PIWIL1: variants seen among roughly 807,000 people sequenced by gnomAD.
The protein encoded by PIWIL1 is piwi-like protein 1.
PIWIL1 carries 73 observed loss-of-function variants against 114.4 expected under a neutral mutation model. The observed-to-expected ratio is 0.64, with a 90% confidence interval of 0.53 to 0.78. The LOEUF is 0.78. Ranked by LOEUF, PIWIL1 falls within the 30% of genes least tolerant of loss-of-function variation. PIWIL1 has a pLI of 0.00. For synonymous variants in PIWIL1, 375 were observed against 369.0 expected, an observed-to-expected ratio of 1.02 and a Z score of -0.19; for missense variants, 723 against 1,063.1, an observed-to-expected ratio of 0.68 and a Z score of 4.45.
chr12:130,421,396 T>C, the PIWIL1 span, among the ~76,000 whole-genome samples: 30 of 152,282 alleles, frequency 2.0e-4, no homozygotes, highest in African/African-American at 6.5e-4. Flanking sequence ...ATAAACACAA[T>C]CTAAAAGCTG....
the PIWIL1 span, among the ~76,000 whole-genome samples, chr12:130,380,275 A>G: frequency 6.6e-6 from 1 of 152,132 alleles, no homozygotes; most frequent in Non-Finnish European, 1.5e-5. Flanking sequence ...CCCTCATCCC[A>G]GTTCCCATCC....
rs144901894 is a variant in PIWIL1, at chr12:130,352,737, C to T, written c.1045-1800C>T. 3.8e-3 allele frequency among the ~76,000 whole-genome samples: 583 copies of T among 152,148 alleles called. 1 individual carries two copies. Among genetic ancestry groups the T allele is most frequent in the Middle Eastern group, 6.8e-3 (2 of 294 alleles). On this transcript the variant is annotated intron_variant, in intron 9 of 20. Transcript: ENST00000245255. ...CCTAAGAATATAAAAGTGGAGGGGG[C>T]GTAGCGAGTACAAGTTCTGTATCAG...
chr12:130,390,736 C>A, the PIWIL1 span, among the ~76,000 whole-genome samples: 1 of 152,210 alleles, frequency 6.6e-6, no homozygotes, highest in East Asian at 1.9e-4. Flanking sequence ...CCCTCTCTTT[C>A]TGCTCCTCTT....
At chr12:130,384,478 G>A in the PIWIL1 span, among the ~76,000 whole-genome samples, 1 of 152,160 alleles carries the variant, frequency 6.6e-6, no homozygotes, top group African/African-American at 2.4e-5. Context: ...ATAGGCACGG[G>A]TGAATGCTGC....
At chr12:130,375,436 AACT>A (rs2073859770), downstream of PIWIL1, among the ~76,000 whole-genome samples, 1 of 152,130 alleles carries the variant, frequency 6.6e-6, no homozygotes, top group African/African-American at 2.4e-5. Flanking sequence ...CCGCATTCTC[AACT>A]ACTGTCTATT....
chr12:130,390,188 A>G, the PIWIL1 span, among the ~76,000 whole-genome samples: 1 of 152,318 alleles, frequency 6.6e-6, no homozygotes, highest in African/African-American at 2.4e-5. Context: ...AGTACTGCAG[A>G]TAGAATAGGT....
At chr12:130,423,337 G>GAGTCACT in the PIWIL1 span, among the ~76,000 whole-genome samples, 3 of 152,346 alleles carry the variant, frequency 2.0e-5, no homozygotes, top group African/African-American at 7.2e-5. Flanking sequence ...GTGGGCGGCT[G>GAGTCACT]AGTCACTGAG....
the PIWIL1 span, among the ~76,000 whole-genome samples, chr12:130,399,376 G>A: frequency 6.6e-6 from 1 of 152,122 alleles, no homozygotes; most frequent in Admixed American, 6.5e-5. Flanking sequence ...CTGAAGAGGA[G>A]CCATCCCCTT....
At chr12:130,415,712 A>C in the PIWIL1 span, among the ~76,000 whole-genome samples, 4 of 151,804 alleles carry the variant, frequency 2.6e-5, 1 homozygote, top group South Asian at 4.2e-4. Flanking sequence ...AAGTCAAATT[A>C]TCTCTCTTCA....
chr12:130,362,956 A>G, intron 17 of PIWIL1, 35 bp from the exon 18 acceptor site: 1 of 1,612,472 alleles, frequency 6.2e-7, no homozygotes, highest in Admixed American at 1.7e-5. Flanking sequence ...TGTCGTAGGC[A>G]TGAATTGACA....
the PIWIL1 span, among the ~76,000 whole-genome samples, chr12:130,381,555 G>T: frequency 0.94 from 142,576 of 152,312 alleles, 66,855 homozygotes; most frequent in Non-Finnish European, 0.96. Context: ...ATGTATCCAT[G>T]CACTTGCTTG....
At chr12:130,375,036 C>T (rs927945208), downstream of PIWIL1, among the ~76,000 whole-genome samples, 1 of 152,034 alleles carries the variant, frequency 6.6e-6, no homozygotes, top group Non-Finnish European at 1.5e-5. Context: ...CCCCGACCCC[C>T]GCAAAAAAGA....
the PIWIL1 span, among the ~76,000 whole-genome samples, chr12:130,385,944 C>T: frequency 1.3e-5 from 2 of 152,084 alleles, no homozygotes; most frequent in African/African-American, 4.8e-5. Flanking sequence ...ACATATCAGT[C>T]CTTTACTTGT....
Position 130,345,750 on chromosome 12 carries a change from A to G in PIWIL1, c.191-3A>G. On this transcript the variant is annotated splice_polypyrimidine_tract_variant and splice_region_variant and intron_variant, in intron 3 of 20. Transcript: ENST00000245255. Reference sequence around the variant, plus strand: ...TTGCTCAAGTACACAATTTTTTTTTAAGGACTCCAGATATCTGCTGGATTT... The same window carrying G: ...TTGCTCAAGTACACAATTTTTTTTTGAGGACTCCAGATATCTGCTGGATTT... 1.9e-6 allele frequency: 3 copies of G among 1,610,460 alleles called. No individual in the cohort carries two copies. Among genetic ancestry groups the G allele is most frequent in the East Asian group, 2.2e-5 (1 of 44,798 alleles).
At chr12:130,378,925 T>G in the PIWIL1 span, among the ~76,000 whole-genome samples, 1 of 152,212 alleles carries the variant, frequency 6.6e-6, no homozygotes, top group Non-Finnish European at 1.5e-5. Context: ...TAAGTATCAT[T>G]CGAAGAGAAG....
At chr12:130,424,292 C>T in the PIWIL1 span, 1,478 of 1,231,522 alleles carry the variant, frequency 1.2e-3, 3 homozygotes, top group Admixed American at 5.0e-3. The surrounding 1 kb of genome is among the most constrained non-coding windows in gnomAD (Gnocchi z 9.8). Flanking sequence ...GCGGCCTCTC[C>T]GGGCCGGGCT....
the PIWIL1 span, chr12:130,412,528 G>T: frequency 1.7e-6 from 2 of 1,158,202 alleles, no homozygotes; most frequent in Non-Finnish European, 2.5e-6. Flanking sequence ...GATGCAATTT[G>T]GGGTCTCCTC....
chr12:130,348,635 G>C (rs768538768), intron 7 of PIWIL1, among the ~76,000 whole-genome samples: 3 of 152,194 alleles, frequency 2.0e-5, no homozygotes, highest in Non-Finnish European at 4.4e-5. Flanking sequence ...GGGCGTGGTG[G>C]CTCATGCCTG....
chr12:130,418,074 G>A, the PIWIL1 span, among the ~76,000 whole-genome samples: 5 of 152,172 alleles, frequency 3.3e-5, no homozygotes, highest in Admixed American at 6.5e-5. Context: ...CAGGACAGGT[G>A]GTGGAGAAAG....
Sources: allele counts gnomAD v4.1 joint callset (sites outside exome capture counted in the v4.1 genomes callset), GRCh38; gene constraint gnomAD v4.1.1; non-coding constraint Gnocchi (gnomAD v3.1); transcripts MANE v1.5; gene names NCBI Gene and HGNC (gene_info 2026-07-23, HGNC 2026-07-21).